HIPK2: variants seen among roughly 807,000 people sequenced by gnomAD.
The protein encoded by HIPK2 is homeodomain interacting protein kinase 2.
Under a neutral mutation model 113.7 loss-of-function variants are expected in HIPK2, and 27 were observed. That is an observed-to-expected ratio of 0.24 (90% CI 0.17 to 0.33). The LOEUF (loss-of-function observed/expected upper bound fraction) is 0.33. Among genes scored for constraint, HIPK2 ranks in the 10% least tolerant of loss-of-function variants. The probability of loss-of-function intolerance (pLI) is 1.00; values close to 1 mark genes in which losing one functional copy is unlikely to be tolerated. For synonymous variants in HIPK2, 631 were observed against 642.2 expected (o/e 0.98, Z 0.26); for missense variants, 1,257 against 1,588.0 (o/e 0.79, Z 3.54).
intron 2 of HIPK2, among the ~76,000 whole-genome samples, chr7:139,697,842 T>A (rs2116828297): frequency 6.6e-6 from 1 of 152,024 alleles, no homozygotes; most frequent in African/African-American, 2.4e-5. Context: ...CAGCCACCAA[T>A]ATGCATTCTG....
intron 2 of HIPK2, among the ~76,000 whole-genome samples, chr7:139,700,982 C>T (rs1420670429): frequency 2.6e-5 from 4 of 152,334 alleles, no homozygotes; most frequent in East Asian, 3.9e-4. Flanking sequence ...AGAAACAGTT[C>T]GGAAAAATTT....
At chr7:139,650,349 CAAAAA>C (rs35368461) in intron 2 of HIPK2, among the ~76,000 whole-genome samples, 2 of 100,214 alleles carry the variant, frequency 2.0e-5, no homozygotes, top group Non-Finnish European at 1.9e-5. Flanking sequence ...GACTCCATCT[CAAAAA>C]AAAAAAAAAA....
At chr7:139,727,076 T>C (rs745652346) in intron 1 of HIPK2, among the ~76,000 whole-genome samples, 5 of 152,164 alleles carry the variant, frequency 3.3e-5, no homozygotes, top group Non-Finnish European at 5.9e-5. Flanking sequence ...CTGAAGGCTG[T>C]CATCAACACC....
Position 139,612,883 on chromosome 7 carries a change from T to C in HIPK2, c.2112+319A>G, listed in dbSNP as rs540662477. ...AAATTTGAGGCAAAGAGATATTAAC[T>C]GACTTGCCTTAGGTCATAGACAAGT... On this transcript the variant is annotated intron_variant, in intron 9 of 14. Coordinates refer to ENST00000406875, the MANE Select transcript of HIPK2 (RefSeq NM_022740.5). Among the ~76,000 whole-genome samples, 4 of 152,322 alleles carry C rather than the reference T, an allele frequency of 2.6e-5. No individual in the cohort carries two copies. The East Asian group carries it at 7.7e-4, about 29-fold the overall frequency.
rs1798239789 is a variant in HIPK2 at position 139,570,663 on chromosome 7, AG to A, written c.*2263del. The A allele has an allele frequency of 6.6e-6, 1 of 152,382 alleles. No homozygotes were observed. Among genetic ancestry groups the A allele is most frequent in the African/African-American group, 2.4e-5 (1 of 41,456 alleles). The allele number at this position is 152,382 out of a possible 1,614,324, so 9.4% of individuals were successfully genotyped here. On this transcript the variant is annotated 3_prime_UTR_variant, in exon 15 of 15. Transcript: ENST00000406875. ...TAAGTAACGACTTCGTTACTGAGTT[AG>A]GTTGGATATCACTACAAACACACCT... is the stretch of plus-strand genomic sequence containing the variant.
chr7:139,636,218 C>T (rs530039113), intron 2 of HIPK2, among the ~76,000 whole-genome samples: 15 of 151,964 alleles, frequency 9.9e-5, no homozygotes, highest in African/African-American at 2.4e-4. Flanking sequence ...TTCATGACAT[C>T]GCTTGCTCCC....
rs1348047799 is a variant in HIPK2 at position 139,570,646 on chromosome 7, G to A, written c.*2281C>T. ...ATTTCACAGCTAAGAGCTAAGTAAC[G>A]ACTTCGTTACTGAGTTAGGTTGGAT... On this transcript the variant is annotated 3_prime_UTR_variant, in exon 15 of 15. Coordinates refer to ENST00000406875, the MANE Select transcript of HIPK2 (RefSeq NM_022740.5). The A allele has an allele frequency of 6.6e-6, 1 of 152,280 alleles. No individual in the cohort carries two copies. Among genetic ancestry groups the A allele is most frequent in the Non-Finnish European group, 1.5e-5 (1 of 68,058 alleles). The allele number at this position is 152,280 out of a possible 1,614,324, so 9.4% of individuals were successfully genotyped here. A position where few individuals can be genotyped will look rare whatever the true frequency, so the allele number is the denominator to read the frequency against.
intron 2 of HIPK2, among the ~76,000 whole-genome samples, chr7:139,699,122 G>C (rs927036144): frequency 8.5e-5 from 13 of 152,094 alleles, no homozygotes; most frequent in African/African-American, 2.9e-4. Flanking sequence ...ACGCACAGTA[G>C]CTTGGGCAGC....
At chr7:139,677,558 C>T (rs900682220) in intron 2 of HIPK2, among the ~76,000 whole-genome samples, 6 of 152,120 alleles carry the variant, frequency 3.9e-5, no homozygotes, top group Admixed American at 1.3e-4. Context: ...CTAACAGCTA[C>T]ATGAAGCCAC....
In HIPK2 at chr7:139,626,753, G is replaced by A. The variant is rs974387478; in HGVS notation, c.1467C>T (p.Asp489=). 1 of 1,613,970 alleles carries A rather than the reference G, an allele frequency of 6.2e-7. No homozygotes were observed. The highest frequency in any genetic ancestry group is 8.5e-7 in the Non-Finnish European group (1 of 1,179,902). ...VNMTTDLEGS[D]MLVEKADRRE... ...GCCGGTCAGCCTTTTCTACCAACAT[G>A]TCGCTCCCTTCCAAATCTGTCGTCA... The change falls in exon 6 of 15, where the codon GAC becomes GAT. Residue 489 remains aspartate, a synonymous_variant. Transcript: ENST00000406875.
chr7:139,625,749 G>A (rs2116865978), intron 6 of HIPK2, among the ~76,000 whole-genome samples: 1 of 152,264 alleles, frequency 6.6e-6, no homozygotes, highest in African/African-American at 2.4e-5. Context: ...CTGGTGATTT[G>A]GGCATCACTT....
chr7:139,731,824 G>A (rs1233482587), intron 1 of HIPK2, among the ~76,000 whole-genome samples: 1 of 152,084 alleles, frequency 6.6e-6, no homozygotes, highest in Non-Finnish European at 1.5e-5. Flanking sequence ...TTTACAACAG[G>A]AGCTCCATGT....
chr7:139,654,840 T>C (rs547158157), intron 2 of HIPK2, among the ~76,000 whole-genome samples: 17 of 152,348 alleles, frequency 1.1e-4, no homozygotes, highest in African/African-American at 4.1e-4. Context: ...ACCTACCCAA[T>C]ATTTATTTTT....
At chr7:139,609,934 A>G (rs1799756409) in intron 9 of HIPK2, among the ~76,000 whole-genome samples, 1 of 152,204 alleles carries the variant, frequency 6.6e-6, no homozygotes, top group Non-Finnish European at 1.5e-5. Flanking sequence ...TATTTAACCA[A>G]TCCCTTACTG....
intron 2 of HIPK2, among the ~76,000 whole-genome samples, chr7:139,705,305 G>A (rs1306442053): frequency 3.9e-5 from 6 of 152,292 alleles, no homozygotes; most frequent in Non-Finnish European, 8.8e-5. Flanking sequence ...ACACGCATGC[G>A]GCTATCTCAT....
chr7:139,713,488 G>A lies in HIPK2; in HGVS notation c.1103+2444C>T, dbSNP rs146891428. Among the ~76,000 whole-genome samples, 1,419 of 152,332 alleles carry A rather than the reference G, an allele frequency of 9.3e-3. 16 individuals are homozygous for A. The highest frequency in any genetic ancestry group is 0.044 in the Middle Eastern group (13 of 294). On this transcript the variant is annotated intron_variant, in intron 2 of 14. Coordinates refer to ENST00000406875, the MANE Select transcript of HIPK2 (RefSeq NM_022740.5). ...TCCAGGAAGCGTCACATGGGCACCA[G>A]AAGGCAAGATGACAAGGGGGTCTTA...
chr7:139,730,347 A>T (rs1195114528), intron 1 of HIPK2, among the ~76,000 whole-genome samples: 1 of 149,268 alleles, frequency 6.7e-6, no homozygotes, highest in Non-Finnish European at 1.5e-5. Context: ...TTACCATGTC[A>T]CTGCAATTTT....
intron 1 of HIPK2, among the ~76,000 whole-genome samples, chr7:139,765,624 C>G (rs1182275488): frequency 2.0e-5 from 3 of 152,180 alleles, no homozygotes; most frequent in Non-Finnish European, 4.4e-5. Context: ...ACATTTTAAT[C>G]AGGCAGAATT....
chr7:139,735,857 C>T (rs549254655), intron 1 of HIPK2, among the ~76,000 whole-genome samples: 88 of 152,200 alleles, frequency 5.8e-4, no homozygotes, highest in African/African-American at 2.1e-3. Flanking sequence ...GCCTACAGGA[C>T]CTGGGATAGT....
Sources: gnomAD v4.1 joint callset for allele counts (sites outside exome capture counted in the v4.1 genomes callset) on GRCh38, gnomAD v4.1.1 for gene constraint, MANE v1.5 for transcripts, NCBI Gene and HGNC (gene_info 2026-07-23, HGNC 2026-07-21) for gene names.